SPATA7: variants seen among roughly 807,000 people sequenced by gnomAD.
The protein encoded by SPATA7 is spermatogenesis associated 7.
In SPATA7, 43 loss-of-function variants were observed where a neutral mutation model predicts 51.8. The ratio of observed to expected loss-of-function variants is 0.83; its 90% CI spans 0.65 to 1.07. SPATA7 has a LOEUF of 1.07. Ranked by LOEUF, SPATA7 falls within the 50% of genes least tolerant of loss-of-function variation. The probability of loss-of-function intolerance (pLI) is 0.00; values close to 1 mark genes in which losing one functional copy is unlikely to be tolerated. For synonymous variants in SPATA7, 230 were observed against 252.8 expected, an observed-to-expected ratio of 0.91 and a Z score of 0.86; for missense variants, 683 against 701.3, an observed-to-expected ratio of 0.97 and a Z score of 0.30.
intron 3 of SPATA7, chr14:88,393,722 A>G (rs533099398): frequency 3.0e-5 from 10 of 334,466 alleles, no homozygotes; most frequent in African/African-American, 8.6e-5. Flanking sequence ...TTTTATCTCT[A>G]TTGCTAATAA....
At chr14:88,391,805 T>C (rs1458634339) in intron 2 of SPATA7, 1 of 282,154 alleles carries the variant, frequency 3.5e-6, no homozygotes, top group African/African-American at 2.2e-5. Flanking sequence ...GGAAAAGCTG[T>C]GCAGAGAAAA....
At chr14:88,460,295 G>C (rs2077309370) in intron 4 of SPATA7, among the ~76,000 whole-genome samples, 1 of 152,168 alleles carries the variant, frequency 6.6e-6, no homozygotes, top group Non-Finnish European at 1.5e-5. Flanking sequence ...ATAATATCCT[G>C]CAGAGTGTTT....
chr14:88,454,575 G>A (rs150122204), intron 3 of SPATA7, among the ~76,000 whole-genome samples: 22 of 152,216 alleles, frequency 1.4e-4, no homozygotes, highest in African/African-American at 4.6e-4. Context: ...GGCCAAGATG[G>A]GAGGATCGCT....
chr14:88,401,161 G>T (rs1378133711), intron 4 of SPATA7, among the ~76,000 whole-genome samples: 1 of 152,180 alleles, frequency 6.6e-6, no homozygotes, highest in Non-Finnish European at 1.5e-5. Flanking sequence ...GACCAAGTCA[G>T]ATTTATCCCT....
chr14:88,467,840 T>TTG (rs1311096856), intron 4 of SPATA7: 2 of 312,542 alleles, frequency 6.4e-6, no homozygotes, highest in African/African-American at 4.5e-5. Flanking sequence ...AAATAGAGAA[T>TTG]TGTCTAGAAA....
At chr14:88,456,568 GTTGT>G (rs1313543916), downstream of SPATA7, among the ~76,000 whole-genome samples, 28 of 152,198 alleles carry the variant, frequency 1.8e-4, no homozygotes, top group East Asian at 5.8e-4. Context: ...TGTTGATGGG[GTTGT>G]TTGTTTTTTT....
chr14:88,392,172 A>G (rs1469583453), intron 2 of SPATA7, among the ~76,000 whole-genome samples: 1 of 152,174 alleles, frequency 6.6e-6, no homozygotes, highest in East Asian at 1.9e-4. Context: ...TATGTATGTA[A>G]CATAGCCATA....
chr14:88,391,715 C>A (rs938050135), intron 2 of SPATA7: 119 of 522,708 alleles, frequency 2.3e-4, no homozygotes, highest in Non-Finnish European at 2.5e-5. Context: ...CTACTTTTGC[C>A]AGGAAACTAC....
chr14:88,425,851 G>A (rs1488136831), intron 5 of SPATA7, among the ~76,000 whole-genome samples: 2 of 152,134 alleles, frequency 1.3e-5, no homozygotes, highest in Non-Finnish European at 2.9e-5. Context: ...TGACAAGACA[G>A]GACAGTGAGG....
In SPATA7 at chr14:88,385,689, C is replaced by G. The variant is rs1192256018; in HGVS notation, c.-130C>G. The G allele has an allele frequency of 1.1e-6, 1 of 906,026 alleles. No homozygotes were observed. Among genetic ancestry groups the G allele is most frequent in the African/African-American group, 1.6e-5 (1 of 61,366 alleles). The allele number at this position is 906,026 out of a possible 1,614,324, so 56.1% of individuals were successfully genotyped here. A position where few individuals can be genotyped will look rare whatever the true frequency, so the allele number is the denominator to read the frequency against. Reference sequence around the variant, plus strand: ...CCAGCCCTTAGCAACGGCCTGGCAACGGTTTCCCTGCTGCTGCAGCCCCCG... The same window carrying G: ...CCAGCCCTTAGCAACGGCCTGGCAAGGGTTTCCCTGCTGCTGCAGCCCCCG... On this transcript the variant is annotated 5_prime_UTR_variant, in exon 1 of 12. Coordinates refer to ENST00000393545, the MANE Select transcript of SPATA7 (RefSeq NM_018418.5).
At chr14:88,417,362 A>G (rs1036801931) in intron 5 of SPATA7, among the ~76,000 whole-genome samples, 1 of 149,286 alleles carries the variant, frequency 6.7e-6, no homozygotes, top group Non-Finnish European at 1.5e-5. Context: ...GCTGGAGTGC[A>G]GTGGCATGAT....
At position 88,385,838 on chromosome 14, in the gene SPATA7, G is replaced by A. The variant is rs2075555029; in HGVS notation, c.19+1G>A. On this transcript the variant is annotated splice_donor_variant, in intron 1 of 11. Transcript: ENST00000393545. LOFTEE classifies it high-confidence loss of function. ...CTAAGCATGGATGGCAGCCGGAGAGGTAAAGGGCAGCTGTCAGGGGCTACC... is the reference window on the plus strand; with the variant it reads ...CTAAGCATGGATGGCAGCCGGAGAGATAAAGGGCAGCTGTCAGGGGCTACC... The A allele has an allele frequency of 6.2e-7, 1 of 1,603,002 alleles. No homozygotes were observed.
At chr14:88,390,520 C>T (rs1295298095) in intron 1 of SPATA7, among the ~76,000 whole-genome samples, 1 of 152,098 alleles carries the variant, frequency 6.6e-6, no homozygotes, top group Non-Finnish European at 1.5e-5. Flanking sequence ...TGTCAAAGGC[C>T]CAGGATTGTG....
intron 2 of SPATA7, chr14:88,391,682 CCAGCTGCTA>C (rs1319610407): frequency 6.7e-5 from 40 of 595,966 alleles, no homozygotes; most frequent in African/African-American, 6.7e-4. Flanking sequence ...TCTCCTGCTC[CCAGCTGCTA>C]CAGCAGCCCA....
intron 3 of SPATA7, among the ~76,000 whole-genome samples, chr14:88,454,595 G>C (rs149308429): frequency 7.8e-4 from 119 of 152,158 alleles, no homozygotes; most frequent in African/African-American, 2.6e-3. Flanking sequence ...TTGAGCTCAA[G>C]AGTTCAAGAC....
chr14:88,414,392 G>T (rs184244320), intron 4 of SPATA7, among the ~76,000 whole-genome samples: 28 of 152,020 alleles, frequency 1.8e-4, no homozygotes, highest in African/African-American at 6.7e-4. Flanking sequence ...TTTCTGTGGG[G>T]TCTGTTGTAA....
chr14:88,432,758 G>C (rs2076974665), intron 9 of SPATA7: 1 of 171,274 alleles, frequency 5.8e-6, no homozygotes, highest in Non-Finnish European at 1.2e-5. Context: ...CTCTGCTGCT[G>C]GACCTGGTCA....
At chr14:88,394,919 G>T in intron 3 of SPATA7, among the ~76,000 whole-genome samples, 1 of 151,904 alleles carries the variant, frequency 6.6e-6, no homozygotes, top group East Asian at 1.9e-4. Flanking sequence ...ATCTTCTTTG[G>T]TGAAATGACT....
In SPATA7 at chr14:88,438,124, C is replaced by A; in HGVS notation, c.1502C>A (p.Ser501Ter). 2 of 1,613,968 alleles carry A rather than the reference C, an allele frequency of 1.2e-6. No individual in the cohort carries two copies. The highest frequency in any genetic ancestry group is 2.2e-5 in the South Asian group (2 of 91,008). The change falls in exon 12 of 12, where the codon TCA becomes TAA. Residue 501 changes from serine (S) to a stop codon, truncating the protein, a stop_gained. Coordinates refer to ENST00000393545, the MANE Select transcript of SPATA7 (RefSeq NM_018418.5). LOFTEE classifies it low-confidence loss of function (END_TRUNC). ...ATGCCTATTTATAAATCAAAGCATT[C>A]AGAAGGGGTTATAATTCAACAGGTG... ...FFMPIYKSKH[S>*]EGVIIQQVND...
Sources: allele counts gnomAD v4.1 joint callset (sites outside exome capture counted in the v4.1 genomes callset), GRCh38; gene constraint gnomAD v4.1.1; transcripts MANE v1.5; gene names NCBI Gene and HGNC (gene_info 2026-07-23, HGNC 2026-07-21).